The following RABGAP1L variants were observed in gnomAD, a reference collection of about 807,000 sequenced individuals.
The protein encoded by RABGAP1L is RAB GTPase activating protein 1 like.
A neutral mutation model predicts 137.7 loss-of-function variants in RABGAP1L; 63 were observed. The observed-to-expected ratio is 0.46, with a 90% CI of 0.37 to 0.56. The LOEUF is 0.56. Ranked by LOEUF, RABGAP1L falls within the 20% of genes least tolerant of loss-of-function variation. The probability of loss-of-function intolerance (pLI) is 0.00; values close to 1 mark genes in which losing one functional copy is unlikely to be tolerated. For missense variants in RABGAP1L, 1,095 were observed against 1,244.0 expected (o/e 0.88, Z 1.80); for synonymous variants, 431 against 433.7 (o/e 0.99, Z 0.08).
intron 13 of RABGAP1L, among the ~76,000 whole-genome samples, chr1:174,412,681 G>C (rs1215174873): frequency 6.6e-6 from 1 of 152,040 alleles, no homozygotes; most frequent in African/African-American, 2.4e-5. Context: ...CTTAGCACTT[G>C]CTCGTCTGAA....
chr1:174,988,622 T>C lies in RABGAP1L; in HGVS notation c.2806-19T>C. 6.8e-7 allele frequency: 1 copy of C among 1,480,244 alleles called. No individual in the cohort carries two copies. Among genetic ancestry groups the C allele is most frequent in the Non-Finnish European group, 9.0e-7 (1 of 1,114,712 alleles). 91.7% of individuals were successfully genotyped at this position (1,480,244 alleles called of 1,614,324 possible). On this transcript the variant is annotated intron_variant, in intron 24 of 25. Coordinates refer to ENST00000681986, the MANE Select transcript of RABGAP1L (RefSeq NM_001366446.1). ...CTATGGAATAGTTTGATGTTGGTTA[T>C]CTCTTTTGGATACTTTAGGGTAAGA...
intron 7 of RABGAP1L, among the ~76,000 whole-genome samples, 190 bp downstream of exon 7, chr1:174,252,780 A>G (rs1396636512): frequency 7.9e-5 from 12 of 152,248 alleles, no homozygotes; most frequent in Non-Finnish European, 1.5e-4. Context: ...TGGGGTAAGT[A>G]AACATGAAAT....
chr1:174,229,899 C>G (rs1670490891), intron 3 of RABGAP1L, among the ~76,000 whole-genome samples: 1 of 152,114 alleles, frequency 6.6e-6, no homozygotes, highest in South Asian at 2.1e-4. Context: ...TAAAAGTGTT[C>G]CTATTTCTCC....
chr1:174,663,820 C>G (rs1676564750), intron 14 of RABGAP1L, among the ~76,000 whole-genome samples: 1 of 152,188 alleles, frequency 6.6e-6, no homozygotes, highest in Non-Finnish European at 1.5e-5. Flanking sequence ...CTTATTTCAT[C>G]TCTCATACTG....
chr1:174,666,985 CAAAA>C lies in RABGAP1L; in HGVS notation c.1825-16523_1825-16520del, dbSNP rs35100174. Among the ~76,000 whole-genome samples the C allele has an allele frequency of 8.0e-4, 96 of 119,272 alleles. No individual in the cohort carries two copies. The South Asian group carries it at 8.4e-3, about 10-fold the overall frequency. The allele number at this position is 119,272 out of a possible 152,430, so 78.2% of individuals were successfully genotyped here. A position where few individuals can be genotyped will look rare whatever the true frequency, so the allele number is the denominator to read the frequency against. On this transcript the variant is annotated intron_variant, in intron 14 of 25. Transcript: ENST00000681986. ...CTATCAATGGATAACAGTTACAAGG[CAAAA>C]AAAAAAAAAAAAAGTCAAGTATTTT...
At chr1:174,821,351 C>T (rs1691003735) in intron 19 of RABGAP1L, among the ~76,000 whole-genome samples, 1 of 152,102 alleles carries the variant, frequency 6.6e-6, no homozygotes, top group East Asian at 1.9e-4. Flanking sequence ...GAGGTAGCTA[C>T]CAATGATAAG....
chr1:174,624,957 GC>G (rs1287612463), intron 13 of RABGAP1L, among the ~76,000 whole-genome samples: 1 of 145,330 alleles, frequency 6.9e-6, no homozygotes, highest in Admixed American at 7.1e-5. Context: ...TGCAACCTCC[GC>G]CCCCCTGAGT....
intron 19 of RABGAP1L, among the ~76,000 whole-genome samples, chr1:174,955,130 T>C (rs1202037335): frequency 6.6e-6 from 1 of 152,234 alleles, no homozygotes; most frequent in East Asian, 1.9e-4. Flanking sequence ...GTATACTTGT[T>C]AGAGGTCTCT....
At chr1:174,664,728 TG>T (rs1676629479) in intron 14 of RABGAP1L, among the ~76,000 whole-genome samples, 1 of 119,432 alleles carries the variant, frequency 8.4e-6, no homozygotes, top group African/African-American at 4.6e-5. Flanking sequence ...TCTTTCTTTC[TG>T]CTTTCTTTTT....
intron 14 of RABGAP1L, among the ~76,000 whole-genome samples, chr1:174,655,765 C>G (rs1306026846): frequency 6.6e-6 from 1 of 152,106 alleles, no homozygotes; most frequent in East Asian, 1.9e-4. Context: ...TCCTTGCTAT[C>G]ATTATTTGTT....
intron 14 of RABGAP1L, among the ~76,000 whole-genome samples, chr1:174,661,710 C>G (rs190981936): frequency 1.0e-3 from 154 of 152,016 alleles, no homozygotes; most frequent in African/African-American, 3.6e-3. Context: ...TAAGATATAC[C>G]ATTATGCATC....
At chr1:174,565,728 A>G (rs1245597180) in intron 13 of RABGAP1L, among the ~76,000 whole-genome samples, 2 of 152,230 alleles carry the variant, frequency 1.3e-5, no homozygotes, top group African/African-American at 4.8e-5. Context: ...AAATAAATGC[A>G]AAATGCAATA....
intron 10 of RABGAP1L, among the ~76,000 whole-genome samples, chr1:174,301,192 C>A (rs1677669053): frequency 1.3e-5 from 2 of 151,870 alleles, no homozygotes; most frequent in African/African-American, 4.8e-5. Context: ...AGGCTTTGTG[C>A]AGTGCTTGTT....
chr1:174,413,936 G>A (rs1243072073), intron 13 of RABGAP1L, among the ~76,000 whole-genome samples: 5 of 108,884 alleles, frequency 4.6e-5, no homozygotes, highest in Non-Finnish European at 8.6e-5. Context: ...CCATAGGACA[G>A]AGGCCATGAA....
At chr1:174,865,955 A>G (rs1246561205) in intron 19 of RABGAP1L, among the ~76,000 whole-genome samples, 1 of 152,166 alleles carries the variant, frequency 6.6e-6, no homozygotes, top group Non-Finnish European at 1.5e-5. Context: ...AAAGAGAACA[A>G]TGTAGGATAA....
At chr1:174,305,485 A>T (rs1678124287) in intron 11 of RABGAP1L, among the ~76,000 whole-genome samples, 1 of 152,098 alleles carries the variant, frequency 6.6e-6, no homozygotes, top group Admixed American at 6.5e-5. Context: ...CCCGGGTTCA[A>T]ACAATTCTCC....
intron 19 of RABGAP1L, among the ~76,000 whole-genome samples, chr1:174,841,370 A>T (rs983866637): frequency 1.3e-5 from 2 of 152,124 alleles, no homozygotes; most frequent in Non-Finnish European, 2.9e-5. Flanking sequence ...TAATTCTTAG[A>T]TCAGAAGAAA....
intron 19 of RABGAP1L, among the ~76,000 whole-genome samples, chr1:174,812,958 A>G (rs1471447663): frequency 6.6e-6 from 1 of 152,216 alleles, no homozygotes. Context: ...CAGGAAGGCC[A>G]GTGCAGCTGG....
chr1:174,199,436 C>A (rs138101789), intron 1 of RABGAP1L, among the ~76,000 whole-genome samples: 1 of 152,028 alleles, frequency 6.6e-6, no homozygotes, highest in African/African-American at 2.4e-5. Context: ...GGATTACAGG[C>A]GTATACTACC....
Sources: gnomAD v4.1 joint callset for allele counts (sites outside exome capture counted in the v4.1 genomes callset) on GRCh38, gnomAD v4.1.1 for gene constraint, MANE v1.5 for transcripts, NCBI Gene and HGNC (gene_info 2026-07-23, HGNC 2026-07-21) for gene names.